LRP1B: variants seen among roughly 807,000 people sequenced by gnomAD.
LRP1B encodes low-density lipoprotein receptor-related protein 1B.
LRP1B carries 217 observed loss-of-function variants against 556.6 expected under a neutral mutation model. The observed-to-expected ratio is 0.39, with a 90% CI of 0.35 to 0.44. The LOEUF (loss-of-function observed/expected upper bound fraction) is 0.44, where lower values mean the gene tolerates loss of function less well. LRP1B is among the 20% of genes least tolerant of loss of function. The probability of loss-of-function intolerance (pLI) is 1.00; values close to 1 mark genes in which losing one functional copy is unlikely to be tolerated. For missense variants in LRP1B, 5,053 were observed against 5,620.8 expected (o/e 0.90, Z 3.23); for synonymous variants, 2,047 against 1,865.8 (o/e 1.10, Z -2.50).
chr2:141,321,133 G>A (rs1456857471), intron 3 of LRP1B, among the ~76,000 whole-genome samples: 1 of 152,114 alleles, frequency 6.6e-6, no homozygotes, highest in African/African-American at 2.4e-5. Context: ...CTAGCATTAA[G>A]AGCTGAGAAT....
At chr2:141,150,192 G>A (rs1362506213) in intron 7 of LRP1B, among the ~76,000 whole-genome samples, 1 of 152,054 alleles carries the variant, frequency 6.6e-6, no homozygotes, top group African/African-American at 2.4e-5. Context: ...ACCAATACGT[G>A]GATGAGAACA....
At chr2:140,723,843 C>A (rs1687498859) in intron 35 of LRP1B, among the ~76,000 whole-genome samples, 1 of 152,076 alleles carries the variant, frequency 6.6e-6, no homozygotes, top group African/African-American at 2.4e-5. Context: ...GAAGTTAGCA[C>A]CACAATTTAT....
chr2:141,509,101 T>C (rs543517738), intron 2 of LRP1B, among the ~76,000 whole-genome samples: 1 of 152,150 alleles, frequency 6.6e-6, no homozygotes, highest in East Asian at 1.9e-4. Flanking sequence ...ATGTTTCCAA[T>C]TTAGGGCGCT....
At chr2:141,937,547 A>G (rs557089750) in intron 1 of LRP1B, among the ~76,000 whole-genome samples, 1 of 152,024 alleles carries the variant, frequency 6.6e-6, no homozygotes, top group East Asian at 1.9e-4. Context: ...TCCAAGCAAC[A>G]CTACCTGAAA....
At chr2:141,890,656 G>A (rs370535963) in intron 1 of LRP1B, among the ~76,000 whole-genome samples, 31 of 151,858 alleles carry the variant, frequency 2.0e-4, no homozygotes, top group African/African-American at 6.3e-4. Context: ...ATGTGGTCCC[G>A]ACTATCAATA....
intron 1 of LRP1B, among the ~76,000 whole-genome samples, chr2:142,092,318 T>A (rs1559066758): frequency 7.8e-6 from 1 of 127,562 alleles, no homozygotes; most frequent in African/African-American, 2.9e-5. Flanking sequence ...GCCTACATTT[T>A]AAAAAAATTG....
intron 3 of LRP1B, among the ~76,000 whole-genome samples, chr2:141,340,007 C>T (rs568118540): frequency 2.0e-5 from 3 of 152,234 alleles, no homozygotes; most frequent in African/African-American, 7.2e-5. Flanking sequence ...CACTGTTTAG[C>T]TCCCACTTAG....
At chr2:141,151,757 G>A (rs1701932398) in intron 7 of LRP1B, among the ~76,000 whole-genome samples, 1 of 151,962 alleles carries the variant, frequency 6.6e-6, no homozygotes, top group Non-Finnish European at 1.5e-5. Context: ...TTGATGTCTA[G>A]ACTCAGCATT....
chr2:141,318,856 A>C (rs1485978299), intron 3 of LRP1B, among the ~76,000 whole-genome samples: 2 of 152,136 alleles, frequency 1.3e-5, no homozygotes, highest in Non-Finnish European at 2.9e-5. Context: ...TATCAACTAT[A>C]CTAAAAGAGA....
chr2:141,189,296 A>C (rs1201583328), intron 6 of LRP1B, among the ~76,000 whole-genome samples: 2 of 151,956 alleles, frequency 1.3e-5, no homozygotes, highest in African/African-American at 2.4e-5. Context: ...GAGAGACTTG[A>C]GTATGGGATT....
intron 1 of LRP1B, among the ~76,000 whole-genome samples, chr2:142,123,407 G>T (rs1203169766): frequency 6.6e-6 from 1 of 151,966 alleles, no homozygotes; most frequent in Non-Finnish European, 1.5e-5. Flanking sequence ...ATGTCCTATT[G>T]ATTGCAAGAA....
chr2:141,769,722 G>A (rs1283784307), intron 2 of LRP1B, among the ~76,000 whole-genome samples: 1 of 152,114 alleles, frequency 6.6e-6, no homozygotes, highest in Non-Finnish European at 1.5e-5. Flanking sequence ...TGCATAATTG[G>A]CATTTCCTAC....
At chr2:141,180,829 C>T (rs183219277) in intron 7 of LRP1B, among the ~76,000 whole-genome samples, 113 of 151,948 alleles carry the variant, frequency 7.4e-4, no homozygotes, top group African/African-American at 2.5e-3. Flanking sequence ...GAAGAGGGAA[C>T]GAGATTTGGA....
chr2:141,349,876 T>C (rs1688383810), intron 3 of LRP1B, among the ~76,000 whole-genome samples: 1 of 151,946 alleles, frequency 6.6e-6, no homozygotes, highest in Non-Finnish European at 1.5e-5. Context: ...ATAATGGTTG[T>C]TGTATTAGTC....
At chr2:142,098,320 A>G (rs1400029940) in intron 1 of LRP1B, among the ~76,000 whole-genome samples, 2 of 151,822 alleles carry the variant, frequency 1.3e-5, no homozygotes, top group Non-Finnish European at 2.9e-5. Context: ...TTTAAATAAA[A>G]TAAATTCATT....
At chr2:141,946,995 T>A (rs1700970652) in intron 1 of LRP1B, among the ~76,000 whole-genome samples, 1 of 151,966 alleles carries the variant, frequency 6.6e-6, no homozygotes, top group Non-Finnish European at 1.5e-5. Flanking sequence ...AGTGAAGAAT[T>A]TTTTTTGTCC....
At position 140,371,280 on chromosome 2, in the gene LRP1B, GAGA is replaced by G. The variant is rs746115777; in HGVS notation, c.10771_10773del (p.Ser3591del). On this transcript the variant is annotated inframe_deletion and splice_region_variant, in exon 70 of 91. Coordinates refer to ENST00000389484, the MANE Select transcript of LRP1B (RefSeq NM_018557.3). ...ATATATTCACGTGATGAGCAAGTAG[GAGA>G]AGCTGAATACAATTATAAATTTGAA... 15 of 1,549,578 alleles carry G rather than the reference GAGA, an allele frequency of 9.7e-6. No homozygotes were observed. Among genetic ancestry groups the G allele is most frequent in the Non-Finnish European group, 1.3e-5 (15 of 1,144,074 alleles).
chr2:141,142,968 G>A (rs750501535), intron 7 of LRP1B, among the ~76,000 whole-genome samples: 4 of 126,874 alleles, frequency 3.2e-5, no homozygotes, highest in Non-Finnish European at 6.2e-5. Flanking sequence ...TTCTGTCGTC[G>A]CCCAGGCTGG....
chr2:140,971,278 G>A (rs1010691497), intron 18 of LRP1B, among the ~76,000 whole-genome samples: 2 of 152,104 alleles, frequency 1.3e-5, no homozygotes, highest in African/African-American at 4.8e-5. Flanking sequence ...GATGGAGGGA[G>A]AGGTTGAAGT....
Sources: gnomAD v4.1 joint callset for allele counts (sites outside exome capture counted in the v4.1 genomes callset) on GRCh38, gnomAD v4.1.1 for gene constraint, MANE v1.5 for transcripts, NCBI Gene and HGNC (gene_info 2026-07-23, HGNC 2026-07-21) for gene names.